The following PAPPA variants were observed in gnomAD, a reference collection of about 807,000 sequenced individuals.
PAPPA encodes pappalysin 1.
Under a neutral mutation model 164.0 loss-of-function variants are expected in PAPPA, and 60 were observed. The ratio of observed to expected loss-of-function variants is 0.37; its 90% confidence interval spans 0.30 to 0.45. The LOEUF (loss-of-function observed/expected upper bound fraction) is 0.45. Among genes scored for constraint, PAPPA ranks in the 20% least tolerant of loss-of-function variants. The pLI, the probability that PAPPA is intolerant of heterozygous loss-of-function variation, is 1.00. For synonymous variants in PAPPA, 875 were observed against 814.1 expected, an observed-to-expected ratio of 1.07 and a Z score of -1.27; for missense variants, 1,782 against 2,087.3, an observed-to-expected ratio of 0.85 and a Z score of 2.85.
At chr9:116,292,070 T>C (rs761530899) in intron 9 of PAPPA, among the ~76,000 whole-genome samples, 1 of 152,208 alleles carries the variant, frequency 6.6e-6, no homozygotes, top group South Asian at 2.1e-4. Context: ...AAGGAATAGA[T>C]ACTTGTTGTG....
chr9:116,195,529 C>CT, intron 2 of PAPPA, among the ~76,000 whole-genome samples: 1 of 152,200 alleles, frequency 6.6e-6, no homozygotes, highest in Non-Finnish European at 1.5e-5. Flanking sequence ...AGGTCTCTTC[C>CT]TTTGTCAAAG....
intron 7 of PAPPA, among the ~76,000 whole-genome samples, chr9:116,252,569 T>C (rs762874559): frequency 1.3e-5 from 2 of 152,196 alleles, no homozygotes; most frequent in Non-Finnish European, 2.9e-5. Flanking sequence ...TCCCAGGCTA[T>C]ACAAAGACTG....
chr9:116,222,926 A>T (rs1844463007), intron 5 of PAPPA, among the ~76,000 whole-genome samples: 1 of 152,262 alleles, frequency 6.6e-6, no homozygotes, highest in Admixed American at 6.5e-5. Flanking sequence ...GTAAACATAT[A>T]TCAAAACATC....
At chr9:116,359,226 T>C (rs994787225) in intron 17 of PAPPA, among the ~76,000 whole-genome samples, 2 of 152,326 alleles carry the variant, frequency 1.3e-5, no homozygotes. Flanking sequence ...AAAAATAATA[T>C]AATTTCTACT....
intron 2 of PAPPA, among the ~76,000 whole-genome samples, chr9:116,196,867 G>T (rs1844111436): frequency 6.6e-6 from 1 of 152,186 alleles, no homozygotes; most frequent in African/African-American, 2.4e-5. Context: ...AAAGTTGTGT[G>T]AGTTCAGGCA....
chr9:116,164,331 G>C (rs1843698335), intron 1 of PAPPA, among the ~76,000 whole-genome samples: 1 of 151,954 alleles, frequency 6.6e-6, no homozygotes, highest in African/African-American at 2.4e-5. Flanking sequence ...TTGACCACTT[G>C]GATTTTTCTC....
intron 10 of PAPPA, among the ~76,000 whole-genome samples, chr9:116,315,841 C>T (rs966152230): frequency 5.9e-5 from 9 of 152,102 alleles, no homozygotes; most frequent in African/African-American, 2.2e-4. Flanking sequence ...CAGTAATAAC[C>T]ATAATGTAAT....
At chr9:116,155,681 T>C (rs1843593464) in intron 1 of PAPPA, among the ~76,000 whole-genome samples, 1 of 152,162 alleles carries the variant, frequency 6.6e-6, no homozygotes, top group South Asian at 2.1e-4. Context: ...AGCTGTGAGC[T>C]CTCCGGGCAG....
intron 10 of PAPPA, among the ~76,000 whole-genome samples, chr9:116,303,613 A>G (rs1416177521): frequency 2.0e-5 from 3 of 152,154 alleles, no homozygotes; most frequent in Non-Finnish European, 4.4e-5. Flanking sequence ...TATCCTACCA[A>G]GGAAGCACCT....
At chr9:116,291,764 A>G (rs1450004006) in intron 9 of PAPPA, among the ~76,000 whole-genome samples, 1 of 152,028 alleles carries the variant, frequency 6.6e-6, no homozygotes, top group Admixed American at 6.6e-5. Flanking sequence ...ACATGCTTCT[A>G]TTAAACTTGT....
chr9:116,220,992 A>C (rs945593705), intron 5 of PAPPA, among the ~76,000 whole-genome samples: 1 of 151,942 alleles, frequency 6.6e-6, no homozygotes, highest in African/African-American at 2.4e-5. Flanking sequence ...GCATTTTATA[A>C]GACCAGGGAA....
At chr9:116,277,869 TGTCGGACAGGCTA>T (rs1382513890) in intron 9 of PAPPA, among the ~76,000 whole-genome samples, 2 of 152,108 alleles carry the variant, frequency 1.3e-5, no homozygotes, top group Admixed American at 6.5e-5. Flanking sequence ...AGTTTCACCA[TGTCGGACAGGCTA>T]GTCTCAAACT....
intron 21 of PAPPA, among the ~76,000 whole-genome samples, chr9:116,389,948 CTTGT>C (rs776046833): frequency 4.0e-4 from 61 of 152,052 alleles, no homozygotes; most frequent in South Asian, 1.9e-3. Flanking sequence ...GAATGTGCTT[CTTGT>C]TTGTTTATTG....
At chr9:116,168,405 G>A (rs1843738966) in intron 1 of PAPPA, among the ~76,000 whole-genome samples, 1 of 152,192 alleles carries the variant, frequency 6.6e-6, no homozygotes, top group Admixed American at 6.5e-5. Context: ...TAAACAGATA[G>A]ATGACATCAT....
chr9:116,332,450 G>C lies in PAPPA; in HGVS notation c.3379G>C (p.Asp1127His). ...CAGCGTGCAGCTGCTTGATACCAAA[G>C]ATCAGAGCCACGATCTAGGTAAGCA... is the stretch of plus-strand genomic sequence containing the variant. ...TISVQLLDTKDQSHDLGLHVL... is the reference protein window; with the variant it reads ...TISVQLLDTKHQSHDLGLHVL... The change falls in exon 12 of 22, where the codon GAT (aspartate) becomes CAT (histidine). Residue 1127 changes from aspartate to histidine, a missense_variant. Around this residue, in one of 2 missense-constraint regions of PAPPA, gnomAD observed 1,324 missense variants for 1,656.9 expected, o/e 0.80. Coordinates refer to ENST00000328252, the MANE Select transcript of PAPPA (RefSeq NM_002581.5). 1 of 1,613,426 alleles carries C rather than the reference G, an allele frequency of 6.2e-7. No individual in the cohort carries two copies. The highest frequency in any genetic ancestry group is 1.1e-5 in the South Asian group (1 of 91,042).
chr9:116,329,235 A>T (rs1310919741), intron 10 of PAPPA, among the ~76,000 whole-genome samples: 4 of 152,184 alleles, frequency 2.6e-5, no homozygotes. Flanking sequence ...GTCATAGAAA[A>T]TTCAGACCTG....
At chr9:116,344,781 C>G in intron 14 of PAPPA, 70 bp downstream of exon 14, 1 of 1,393,356 alleles carries the variant, frequency 7.2e-7, no homozygotes. Flanking sequence ...TAACCATGTT[C>G]TCTGCTAAAT....
At chr9:116,289,121 CATATATATATATATATAT>C (rs200604980) in intron 9 of PAPPA, among the ~76,000 whole-genome samples, 426 of 17,796 alleles carry the variant, frequency 0.024, 32 homozygotes, top group East Asian at 0.075. Context: ...TATGCATATA[CATATATATATATATATAT>C]ATATATATAT....
At chr9:116,210,150 C>T (rs950339868) in intron 3 of PAPPA, among the ~76,000 whole-genome samples, 73 of 152,126 alleles carry the variant, frequency 4.8e-4, no homozygotes, top group Non-Finnish European at 9.1e-4. Context: ...TTCCTCCCTG[C>T]CTCTGCCTGC....
Sources: allele counts gnomAD v4.1 joint callset (sites outside exome capture counted in the v4.1 genomes callset), GRCh38; gene constraint gnomAD v4.1.1; regional missense constraint gnomAD v4.1.1; transcripts MANE v1.5; gene names NCBI Gene and HGNC (gene_info 2026-07-23, HGNC 2026-07-21).